The following STPG2 variants were observed in gnomAD, a reference collection of about 807,000 sequenced individuals.
STPG2 encodes the protein sperm tail PG-rich repeat containing 2, also known as sperm-tail PG-rich repeat-containing protein 2.
Under a neutral mutation model 54.2 loss-of-function variants are expected in STPG2, and 56 were observed. The observed-to-expected ratio is 1.03, with a 90% confidence interval of 0.83 to 1.29. The LOEUF is 1.29. STPG2 is among the 50% of genes most tolerant of loss of function. The pLI is 0.00. For synonymous variants in STPG2, 200 were observed against 181.8 expected (o/e 1.10, Z -0.81); for missense variants, 596 against 544.9 (o/e 1.09, Z -0.93).
chr4:97,727,928 T>C (rs1724675563), intron 9 of STPG2, among the ~76,000 whole-genome samples: 1 of 152,100 alleles, frequency 6.6e-6, no homozygotes, highest in Non-Finnish European at 1.5e-5. Flanking sequence ...TTAAAAAATT[T>C]CCAAGTAAAT....
Position 97,754,351 on chromosome 4 carries a change from G to T in STPG2, c.1205-41537C>A, listed in dbSNP as rs1393187202. On this transcript the variant is annotated intron_variant, in intron 9 of 10. Coordinates refer to ENST00000295268, the MANE Select transcript of STPG2 (RefSeq NM_174952.3). Reference sequence around the variant, plus strand: ...ATCTTTCCAAGGAAAACTCTGTAATGCCCAATCCGCTTTTGTTTTTTGTTG... The same window carrying T: ...ATCTTTCCAAGGAAAACTCTGTAATTCCCAATCCGCTTTTGTTTTTTGTTG... Among the ~76,000 whole-genome samples the T allele has an allele frequency of 9.2e-5, 14 of 152,032 alleles. No individual in the cohort carries two copies. The South Asian group carries it at 1.9e-3, about 20-fold the overall frequency.
At chr4:97,615,283 A>AT (rs1733832129) in intron 10 of STPG2, among the ~76,000 whole-genome samples, 2 of 152,038 alleles carry the variant, frequency 1.3e-5, no homozygotes, top group East Asian at 1.9e-4. Context: ...ATTTGAATGT[A>AT]TTTTTTTAAA....
At chr4:98,116,650 C>G (rs1397973680) in intron 3 of STPG2, among the ~76,000 whole-genome samples, 1 of 151,804 alleles carries the variant, frequency 6.6e-6, no homozygotes, top group Non-Finnish European at 1.5e-5. Context: ...ACTTAAATAT[C>G]TTAATGAAGA....
rs1386061962 is a variant in STPG2, at chr4:98,143,462, G to T, written c.-312C>A. On this transcript the variant is annotated 5_prime_UTR_variant, in exon 1 of 11. Transcript: ENST00000295268. The stretch of plus-strand genomic sequence containing the variant: ...GTATTAGGGATTAGACGCTCGCCCC[G>T]GTGCTTCCGGCCCTGACTCCGCCCA... Among the ~76,000 whole-genome samples, 1 of 152,120 alleles carries T rather than the reference G, an allele frequency of 6.6e-6. No homozygotes were observed. Among genetic ancestry groups the T allele is most frequent in the Non-Finnish European group, 1.5e-5 (1 of 68,026 alleles).
At chr4:98,084,587 G>A (rs1039344361) in intron 5 of STPG2, among the ~76,000 whole-genome samples, 1 of 152,158 alleles carries the variant, frequency 6.6e-6, no homozygotes, top group Non-Finnish European at 1.5e-5. Flanking sequence ...GATGTATGAA[G>A]AGTTCTAGTT....
At chr4:97,702,276 T>G (rs920772889) in intron 10 of STPG2, among the ~76,000 whole-genome samples, 1 of 152,194 alleles carries the variant, frequency 6.6e-6, no homozygotes, top group Non-Finnish European at 1.5e-5. Context: ...AGTCCCCACT[T>G]AGTGGGCCCA....
intron 4 of STPG2, among the ~76,000 whole-genome samples, chr4:97,442,539 G>C (rs529725367): frequency 6.6e-5 from 10 of 152,190 alleles, no homozygotes; most frequent in African/African-American, 2.4e-4. Flanking sequence ...GTCTTCAGTG[G>C]TAATAATACG....
At chr4:98,016,327 T>A (rs190645547) in intron 5 of STPG2, among the ~76,000 whole-genome samples, 110 of 152,362 alleles carry the variant, frequency 7.2e-4, no homozygotes, top group Non-Finnish European at 4.4e-5. Context: ...ATTCAGGAAT[T>A]CTTCTGTAGT....
intron 8 of STPG2, among the ~76,000 whole-genome samples, chr4:97,861,172 T>G (rs1363627928): frequency 6.6e-6 from 1 of 151,986 alleles, no homozygotes; most frequent in East Asian, 1.9e-4. Context: ...GATTTAAAAA[T>G]GGGCAAAAAT....
chr4:97,712,151 T>C (rs1029060863), intron 10 of STPG2, among the ~76,000 whole-genome samples: 2 of 152,176 alleles, frequency 1.3e-5, no homozygotes, highest in Non-Finnish European at 2.9e-5. Flanking sequence ...GGGAACCTAT[T>C]TCATTCTAAT....
At chr4:97,527,905 T>C (rs1029339096) in intron 4 of STPG2, among the ~76,000 whole-genome samples, 1 of 152,158 alleles carries the variant, frequency 6.6e-6, no homozygotes. Context: ...ATTAGCTCTT[T>C]GTCAGATGGA....
intron 5 of STPG2, among the ~76,000 whole-genome samples, chr4:98,005,532 T>C (rs2149278560): frequency 6.6e-6 from 1 of 152,322 alleles, no homozygotes; most frequent in Non-Finnish European, 1.5e-5. Flanking sequence ...GTTTGTCATA[T>C]ATAGCCTTTC....
chr4:97,880,955 A>AT (rs748141212), intron 8 of STPG2, among the ~76,000 whole-genome samples: 26 of 152,120 alleles, frequency 1.7e-4, no homozygotes, highest in Non-Finnish European at 2.6e-4. Flanking sequence ...CTGTTCTCCT[A>AT]TAAAAATTAC....
intron 9 of STPG2, among the ~76,000 whole-genome samples, chr4:97,799,913 C>T (rs967018782): frequency 3.6e-4 from 55 of 152,160 alleles, no homozygotes; most frequent in Admixed American, 5.9e-4. Context: ...AACTTCTCTT[C>T]TCGCTTCATT....
At chr4:98,101,864 T>TCCCCCCCCCCC (rs140638030) in intron 5 of STPG2, among the ~76,000 whole-genome samples, 15 of 143,872 alleles carry the variant, frequency 1.0e-4, no homozygotes, top group Non-Finnish European at 1.2e-4. Context: ...TTTCATTATC[T>TCCCCCCCCCCC]TCCCCCTCCC....
chr4:97,542,121 G>A (rs1731724326), intron 4 of STPG2, among the ~76,000 whole-genome samples: 1 of 152,110 alleles, frequency 6.6e-6, no homozygotes, highest in Admixed American at 6.6e-5. Flanking sequence ...ATTGACAAAT[G>A]GGATCTAATT....
intron 8 of STPG2, among the ~76,000 whole-genome samples, chr4:97,864,628 T>G (rs1380891752): frequency 2.0e-5 from 3 of 152,090 alleles, no homozygotes; most frequent in Admixed American, 1.3e-4. Flanking sequence ...GAGCCCGCAT[T>G]GCCAAGTCAA....
At chr4:98,034,098 C>A (rs993673403) in intron 5 of STPG2, among the ~76,000 whole-genome samples, 5 of 152,076 alleles carry the variant, frequency 3.3e-5, no homozygotes, top group African/African-American at 1.2e-4. Context: ...AAAGTTCTGG[C>A]CAGGGCAATT....
intron 10 of STPG2, among the ~76,000 whole-genome samples, chr4:97,643,930 TA>T (rs1170544670): frequency 3.3e-5 from 5 of 151,886 alleles, no homozygotes; most frequent in African/African-American, 1.2e-4. Context: ...AAATAAGTTA[TA>T]GTAAATTTAC....
Sources: allele counts gnomAD v4.1 joint callset (sites outside exome capture counted in the v4.1 genomes callset), GRCh38; gene constraint gnomAD v4.1.1; transcripts MANE v1.5; gene names NCBI Gene and HGNC (gene_info 2026-07-23, HGNC 2026-07-21).